The following BAZ1A variants were observed in gnomAD, a reference collection of about 807,000 sequenced individuals.
BAZ1A encodes the protein bromodomain adjacent to zinc finger domain protein 1A.
A neutral mutation model predicts 185.2 loss-of-function variants in BAZ1A; 50 were observed. The ratio of observed to expected loss-of-function variants is 0.27; its 90% CI spans 0.22 to 0.34. The LOEUF is 0.34. Among genes scored for constraint, BAZ1A ranks in the 10% least tolerant of loss-of-function variants. The probability of loss-of-function intolerance (pLI) is 1.00; values close to 1 mark genes in which losing one functional copy is unlikely to be tolerated. For synonymous variants in BAZ1A, 571 were observed against 615.6 expected, an observed-to-expected ratio of 0.93 and a Z score of 1.07; for missense variants, 1,356 against 1,839.9, an observed-to-expected ratio of 0.74 and a Z score of 4.81.
At chr14:34,778,626 A>G (rs780252311) in intron 17 of BAZ1A, among the ~76,000 whole-genome samples, 2 of 152,186 alleles carry the variant, frequency 1.3e-5, no homozygotes, top group Non-Finnish European at 2.9e-5. Flanking sequence ...ATCCATTTTG[A>G]TAATTTGTAT....
At chr14:34,831,679 C>T (rs909177563) in intron 3 of BAZ1A, among the ~76,000 whole-genome samples, 1 of 152,182 alleles carries the variant, frequency 6.6e-6, no homozygotes, top group African/African-American at 2.4e-5. Context: ...AAAATGTATA[C>T]TATATGGGTC....
rs752963558 is a variant in BAZ1A at position 34,792,762 on chromosome 14, G to A, written c.1510+13C>T. 3.1e-6 allele frequency: 5 copies of A among 1,612,180 alleles called. No individual in the cohort carries two copies. The East Asian group carries it at 1.1e-4, about 36-fold the overall frequency. On this transcript the variant is annotated intron_variant, in intron 12 of 26. Transcript: ENST00000360310. ...CTACTATGGTTCAATCAGCAATAAT[G>A]TTGAACTCTGACCTTTGGTGTCAGC...
intron 2 of BAZ1A, among the ~76,000 whole-genome samples, chr14:34,872,262 T>C (rs1488250875): frequency 6.6e-6 from 1 of 152,194 alleles, no homozygotes; most frequent in Non-Finnish European, 1.5e-5. Context: ...TTAAAATGTT[T>C]AAATGCCCTA....
At chr14:34,828,128 T>TAAA (rs199641738) in intron 3 of BAZ1A, among the ~76,000 whole-genome samples, 1 of 150,602 alleles carries the variant, frequency 6.6e-6, no homozygotes, top group African/African-American at 2.4e-5. Flanking sequence ...CTGTCTCTAG[T>TAAA]AAAAAAAATA....
chr14:34,803,075 T>C (rs1881656055), intron 6 of BAZ1A, 87 bp from the exon 7 acceptor site: 1 of 1,344,628 alleles, frequency 7.4e-7, no homozygotes, highest in Non-Finnish European at 1.0e-6. Flanking sequence ...TGGCCACTAT[T>C]AATGCTGTTA....
At position 34,833,413 on chromosome 14, in the gene BAZ1A, A is replaced by G. The variant is rs144198615; in HGVS notation, c.393-7257T>C. On this transcript the variant is annotated intron_variant, in intron 3 of 26. Coordinates refer to ENST00000360310, the MANE Select transcript of BAZ1A (RefSeq NM_013448.3). ...CGTGGTGGCGCGCGCCTATAATCCC[A>G]GCTACTCAGGAGGCTGAGACAGGAG... Among the ~76,000 whole-genome samples the G allele has an allele frequency of 5.8e-4, 89 of 152,270 alleles. 1 individual carries two copies. The highest frequency in any genetic ancestry group is 2.0e-3 in the African/African-American group (85 of 41,552).
intron 2 of BAZ1A, among the ~76,000 whole-genome samples, chr14:34,870,317 T>C (rs1009377231): frequency 2.0e-5 from 3 of 152,182 alleles, no homozygotes; most frequent in Non-Finnish European, 2.9e-5. Flanking sequence ...ATCAGGACAA[T>C]ACGGCAGGCT....
intron 9 of BAZ1A, among the ~76,000 whole-genome samples, chr14:34,798,540 G>T (rs1566568347): frequency 6.6e-6 from 1 of 152,192 alleles, no homozygotes; most frequent in Non-Finnish European, 1.5e-5. Context: ...GGCTCCACTG[G>T]TGATACCCAG....
At chr14:34,778,015 G>T (rs1000401785) in intron 17 of BAZ1A, among the ~76,000 whole-genome samples, 1 of 152,100 alleles carries the variant, frequency 6.6e-6, no homozygotes, top group African/African-American at 2.4e-5. Context: ...CAAAAAAAAT[G>T]GGGCCGGCCA....
intron 3 of BAZ1A, among the ~76,000 whole-genome samples, chr14:34,835,670 GTT>G (rs1162232902): frequency 2.7e-4 from 39 of 141,990 alleles, no homozygotes; most frequent in Admixed American, 2.0e-3. Context: ...CATGGAAATA[GTT>G]TTTTTTTTTT....
chr14:34,810,450 GATCAA>G (rs1246389289), intron 5 of BAZ1A, among the ~76,000 whole-genome samples: 1 of 152,160 alleles, frequency 6.6e-6, no homozygotes, highest in East Asian at 1.9e-4. Flanking sequence ...GGAAAAAACT[GATCAA>G]ATGTTTGTCT....
intron 3 of BAZ1A, among the ~76,000 whole-genome samples, chr14:34,833,385 G>C (rs755001170): frequency 3.3e-5 from 5 of 152,186 alleles, no homozygotes; most frequent in Admixed American, 2.6e-4. Flanking sequence ...AAAATTAGCC[G>C]GGCGTGGTGG....
chr14:34,862,376 T>C (rs2042782734), intron 2 of BAZ1A, 54 bp from the exon 3 acceptor site: 1 of 1,537,968 alleles, frequency 6.5e-7, no homozygotes. Flanking sequence ...ATTTCACAAA[T>C]TTTACATTAA....
Position 34,861,937 on chromosome 14 carries a change from A to G in BAZ1A, c.392+107T>C, listed in dbSNP as rs1594912169. ...CTATCTGTGGGTTAACAGAATAGCTAGAGCATAGTAAAAGGGAAGATTTCC... is the reference window on the plus strand; with the variant it reads ...CTATCTGTGGGTTAACAGAATAGCTGGAGCATAGTAAAAGGGAAGATTTCC... On this transcript the variant is annotated intron_variant, in intron 3 of 26. Coordinates refer to ENST00000360310, the MANE Select transcript of BAZ1A (RefSeq NM_013448.3). The G allele has an allele frequency of 3.1e-6, 4 of 1,278,568 alleles. No individual in the cohort carries two copies. In the East Asian group the frequency reaches 7.0e-5, roughly 22 times the overall value. The allele number at this position is 1,278,568 out of a possible 1,614,324, so 79.2% of individuals were successfully genotyped here.
At chr14:34,778,550 G>C (rs1161986524) in intron 17 of BAZ1A, among the ~76,000 whole-genome samples, 3 of 152,192 alleles carry the variant, frequency 2.0e-5, no homozygotes, top group Admixed American at 2.0e-4. Flanking sequence ...TCTGCAGAAG[G>C]ATTTTAGTAC....
chr14:34,777,948 G>A (rs751426629), intron 17 of BAZ1A, among the ~76,000 whole-genome samples: 11 of 152,070 alleles, frequency 7.2e-5, no homozygotes, highest in South Asian at 4.1e-4. Context: ...CCGAGATGGC[G>A]CCACTGCACA....
intron 3 of BAZ1A, among the ~76,000 whole-genome samples, chr14:34,835,857 G>A (rs2042321479): frequency 6.6e-6 from 1 of 151,406 alleles, no homozygotes; most frequent in South Asian, 2.1e-4. Flanking sequence ...TTTCAGTAGA[G>A]ACAGGGTTTC....
intron 21 of BAZ1A, 92 bp from the exon 22 acceptor site, chr14:34,765,360 A>G: frequency 6.9e-7 from 1 of 1,441,220 alleles, no homozygotes; most frequent in Non-Finnish European, 9.3e-7. Flanking sequence ...TATAGGTTAG[A>G]TTTTACATTT....
chr14:34,779,146 G>A (rs940719910), intron 17 of BAZ1A, among the ~76,000 whole-genome samples: 3 of 152,082 alleles, frequency 2.0e-5, no homozygotes, highest in Non-Finnish European at 4.4e-5. Context: ...CACTGCACCT[G>A]GCCCTACTAT....
Sources: gnomAD v4.1 joint callset for allele counts (sites outside exome capture counted in the v4.1 genomes callset) on GRCh38, gnomAD v4.1.1 for gene constraint, MANE v1.5 for transcripts, NCBI Gene and HGNC (gene_info 2026-07-23, HGNC 2026-07-21) for gene names.